Variants in EFR3A observed in about 807,000 individuals in gnomAD.
The protein encoded by EFR3A is EFR3 homolog A, also known as protein EFR3 homolog A.
Under a neutral mutation model 104.4 loss-of-function variants are expected in EFR3A, and 76 were observed. That is an observed-to-expected ratio of 0.73 (90% CI 0.60 to 0.88). The LOEUF is 0.88. EFR3A is among the 40% of genes least tolerant of loss of function. The pLI is 0.00. For missense variants in EFR3A, 985 were observed against 1,012.5 expected (o/e 0.97, Z 0.37); for synonymous variants, 330 against 330.0 (o/e 1.00, Z 0.00).
chr8:131,950,124 GTAAT>G, intron 5 of EFR3A, 34 bp downstream of exon 5: 1 of 1,539,188 alleles, frequency 6.5e-7, no homozygotes, highest in Non-Finnish European at 8.8e-7. Flanking sequence ...TCTATAGTAA[GTAAT>G]TTAGAGATTA....
At chr8:131,985,746 A>G (rs1820840230) in intron 16 of EFR3A, among the ~76,000 whole-genome samples, 1 of 152,248 alleles carries the variant, frequency 6.6e-6, no homozygotes, top group Non-Finnish European at 1.5e-5. Flanking sequence ...AGTAAATACT[A>G]CAAAAGCAGA....
intron 19 of EFR3A, among the ~76,000 whole-genome samples, chr8:131,996,773 T>G (rs1300483471): frequency 6.6e-6 from 1 of 152,086 alleles, no homozygotes; most frequent in Non-Finnish European, 1.5e-5. Flanking sequence ...AAAGGAACTG[T>G]AAAGTATAAG....
intron 1 of EFR3A, among the ~76,000 whole-genome samples, chr8:131,924,839 T>A (rs909910023): frequency 9.2e-5 from 14 of 152,138 alleles, no homozygotes; most frequent in African/African-American, 3.4e-4. Flanking sequence ...TTTTCTAGAC[T>A]TCGATTTTTC....
rs1486061723 is a variant in EFR3A at position 131,984,267 on chromosome 8, T to TA, written c.1705dup (p.Ile569AsnfsTer2). 1 of 1,606,508 alleles carries TA rather than the reference T, an allele frequency of 6.2e-7. No homozygotes were observed. Among genetic ancestry groups the TA allele is most frequent in the African/African-American group, 1.3e-5 (1 of 74,538 alleles). The stretch of plus-strand genomic sequence containing the variant: ...TTGAACTGGCTAATGAAGAAGTAGT[T>TA]ATTGATCTCATTCGACTGGCCATTG... On this transcript the variant is annotated frameshift_variant, in exon 15 of 23. Transcript: ENST00000254624. LOFTEE classifies it high-confidence loss of function.
intron 5 of EFR3A, 23 bp downstream of exon 5, chr8:131,950,113 A>G (rs200695790): frequency 1.1e-5 from 17 of 1,570,794 alleles, no homozygotes; most frequent in Non-Finnish European, 1.4e-5. Context: ...TTACTTTATG[A>G]TCTATAGTAA....
chr8:131,987,014 C>A (rs979345768), intron 17 of EFR3A, among the ~76,000 whole-genome samples: 2 of 151,944 alleles, frequency 1.3e-5, no homozygotes, highest in African/African-American at 4.8e-5. Flanking sequence ...TGCATTATTT[C>A]TTGTTCTCTA....
rs1428920366 is a variant in EFR3A, at chr8:131,979,383, G to C, written c.1537G>C (p.Glu513Gln). 6.4e-7 allele frequency: 1 copy of C among 1,567,694 alleles called. No individual in the cohort carries two copies. ...TGTAGCTGACCTAAAGATAAAAAGA[G>C]AAAAAATTTGCAGACAAGACACAAG... ...PDVADLKIKREKICRQDTSFM... is the reference protein window; with the variant it reads ...PDVADLKIKRQKICRQDTSFM... The change falls in exon 14 of 23, where the codon GAA (glutamate) becomes CAA (glutamine). Residue 513 changes from glutamate to glutamine, a missense_variant. Glu to Gln is a conservative substitution (Grantham distance 29, BLOSUM62 2). Coordinates refer to ENST00000254624, the MANE Select transcript of EFR3A (RefSeq NM_015137.6).
rs1408725491 is a variant in EFR3A, at chr8:131,976,953, A to G, written c.1275-88A>G. 12 of 910,854 alleles carry G rather than the reference A, an allele frequency of 1.3e-5. No individual in the cohort carries two copies. The Admixed American group carries it at 3.1e-4, about 24-fold the overall frequency. 56.4% of individuals were successfully genotyped at this position (910,854 alleles called of 1,614,324 possible). A position where few individuals can be genotyped will look rare whatever the true frequency, so the allele number is the denominator to read the frequency against. ...AAAAATAAAATCTATTTAGCCAATAAGAATAGAATTTTAAAATCAGTAATT... is the reference window on the plus strand; with the variant it reads ...AAAAATAAAATCTATTTAGCCAATAGGAATAGAATTTTAAAATCAGTAATT... On this transcript the variant is annotated intron_variant, in intron 11 of 22. Coordinates refer to ENST00000254624, the MANE Select transcript of EFR3A (RefSeq NM_015137.6).
At chr8:131,969,005 A>G (rs1819909419) in intron 9 of EFR3A, among the ~76,000 whole-genome samples, 1 of 152,174 alleles carries the variant, frequency 6.6e-6, no homozygotes, top group Admixed American at 6.5e-5. Flanking sequence ...GCTATAGGAT[A>G]ATTTTTCTGG....
At chr8:132,004,898 T>C (rs1821958707) in intron 22 of EFR3A, among the ~76,000 whole-genome samples, 1 of 152,222 alleles carries the variant, frequency 6.6e-6, no homozygotes, top group Admixed American at 6.5e-5. Context: ...GAGATCACCA[T>C]ATCACATTTA....
chr8:131,953,812 T>TTTA lies in EFR3A; in HGVS notation c.489-5_489-4insTAT. 1.3e-6 allele frequency: 2 copies of TTTA among 1,490,954 alleles called. No homozygotes were observed. The highest frequency in any genetic ancestry group is 1.3e-5 in the South Asian group (1 of 74,946). 92.4% of individuals were successfully genotyped at this position (1,490,954 alleles called of 1,614,324 possible). A position where few individuals can be genotyped will look rare whatever the true frequency, so the allele number is the denominator to read the frequency against. Reference sequence around the variant, plus strand: ...TCATTTTCTTCCTTTTTTTTTTTTTTTATAGGATACGAATTGCTGGAATTA... The same window carrying TTTA: ...TCATTTTCTTCCTTTTTTTTTTTTTTTTATATAGGATACGAATTGCTGGAATTA... On this transcript the variant is annotated splice_polypyrimidine_tract_variant and splice_region_variant and intron_variant, in intron 5 of 22. Coordinates refer to ENST00000254624, the MANE Select transcript of EFR3A (RefSeq NM_015137.6).
In EFR3A at chr8:131,946,612, T is replaced by TC; in HGVS notation, c.346dup (p.Gln116ProfsTer15). The TC allele has an allele frequency of 1.2e-6, 2 of 1,602,708 alleles. No individual in the cohort carries two copies. Among genetic ancestry groups the TC allele is most frequent in the Non-Finnish European group, 1.7e-6 (2 of 1,174,906 alleles). ...TGCTGGAATCGGGGGAACCAAAGCT[T>TC]CAAGTTCTTGGAACAAATTCTGTGA... On this transcript the variant is annotated frameshift_variant, in exon 4 of 23. Transcript: ENST00000254624. LOFTEE classifies it high-confidence loss of function.
At chr8:131,906,168 GGCAGTC>G (rs1195038972) in intron 1 of EFR3A, among the ~76,000 whole-genome samples, 1 of 152,102 alleles carries the variant, frequency 6.6e-6, no homozygotes, top group Non-Finnish European at 1.5e-5. Context: ...TCTCTCCTTT[GGCAGTC>G]ACAGCTGCCG....
At chr8:131,984,901 T>G (rs1032797463) in intron 15 of EFR3A, 28 bp from the exon 16 acceptor site, 7 of 1,597,298 alleles carry the variant, frequency 4.4e-6, no homozygotes, top group Non-Finnish European at 6.0e-6. Flanking sequence ...GAACTTGATC[T>G]CTCTGATGTG....
intron 20 of EFR3A, among the ~76,000 whole-genome samples, 188 bp from the exon 21 acceptor site, chr8:132,002,413 TTG>T (rs995091154): frequency 6.6e-6 from 1 of 152,118 alleles, no homozygotes. Context: ...TTTTGGGTTT[TTG>T]TGTGTGTGTG....
chr8:131,990,072 C>T (rs951442223), intron 18 of EFR3A, among the ~76,000 whole-genome samples: 6 of 152,142 alleles, frequency 3.9e-5, no homozygotes, highest in Admixed American at 1.3e-4. Flanking sequence ...ATTAAGCGAG[C>T]ACCTCCAGTG....
chr8:131,945,753 C>T (rs1818405421), intron 3 of EFR3A, among the ~76,000 whole-genome samples: 1 of 151,958 alleles, frequency 6.6e-6, no homozygotes, highest in African/African-American at 2.4e-5. Flanking sequence ...TATCCATCAC[C>T]TCAATTTATT....
chr8:131,987,847 TTC>T (rs1386514544), intron 18 of EFR3A, 145 bp downstream of exon 18: 1 of 842,774 alleles, frequency 1.2e-6, no homozygotes, highest in African/African-American at 1.8e-5. Flanking sequence ...GAGTATTTAC[TTC>T]TGTTTTTTAA....
At chr8:131,974,777 C>T (rs1016998377) in intron 10 of EFR3A, among the ~76,000 whole-genome samples, 1 of 152,058 alleles carries the variant, frequency 6.6e-6, no homozygotes, top group African/African-American at 2.4e-5. Context: ...TGCTAATGTA[C>T]GTGATTGTGG....
Sources: allele counts gnomAD v4.1 joint callset (sites outside exome capture counted in the v4.1 genomes callset), GRCh38; gene constraint gnomAD v4.1.1; transcripts MANE v1.5; gene names NCBI Gene and HGNC (gene_info 2026-07-23, HGNC 2026-07-21).